The following RSRC1 variants were observed in gnomAD, a reference collection of about 807,000 sequenced individuals.
The protein encoded by RSRC1 is serine/Arginine-related protein 53.
In RSRC1, 39 loss-of-function variants were observed where a neutral mutation model predicts 49.1. That is an observed-to-expected ratio of 0.79 (90% confidence interval 0.61 to 1.04). RSRC1 has a LOEUF of 1.04. RSRC1 is among the 50% of genes least tolerant of loss of function. RSRC1 has a pLI of 0.00. For missense variants in RSRC1, 388 were observed against 402.4 expected, an observed-to-expected ratio of 0.96 and a Z score of 0.31; for synonymous variants, 143 against 130.8, an observed-to-expected ratio of 1.09 and a Z score of -0.63.
chr3:158,202,436 C>T (rs1014250624), intron 3 of RSRC1, among the ~76,000 whole-genome samples: 1 of 151,098 alleles, frequency 6.6e-6, no homozygotes, highest in Non-Finnish European at 1.5e-5. Context: ...GCCTTGCTGT[C>T]TCAGTGGTGG....
chr3:158,365,291 C>T (rs565544302), intron 6 of RSRC1, among the ~76,000 whole-genome samples: 145 of 152,112 alleles, frequency 9.5e-4, no homozygotes, highest in Admixed American at 1.5e-3. Context: ...TAATGCTATC[C>T]CTCCCCTAGT....
Position 158,539,758 on chromosome 3 carries a change from C to T in RSRC1, c.759+2560C>T, listed in dbSNP as rs1395762130. The stretch of plus-strand genomic sequence containing the variant: ...TTCTCTCTACAAATTTTTAATTGCC[C>T]GTTATTAAACAATAACTTCCATGCT... On this transcript the variant is annotated intron_variant, in intron 8 of 9. Transcript: ENST00000611884. This position sits in a 1 kb window ranked among gnomAD's most constrained non-coding sequence, Gnocchi z 4.1. Among the ~76,000 whole-genome samples, 1 of 151,992 alleles carries T rather than the reference C, an allele frequency of 6.6e-6. No homozygotes were observed. The highest frequency in any genetic ancestry group is 1.5e-5 in the Non-Finnish European group (1 of 67,984).
At chr3:158,421,339 G>A (rs1204085345) in intron 6 of RSRC1, among the ~76,000 whole-genome samples, 1 of 151,828 alleles carries the variant, frequency 6.6e-6, no homozygotes, top group Non-Finnish European at 1.5e-5. Context: ...TGTAGGTTGT[G>A]GCATGATTAG....
chr3:158,177,343 A>T (rs1038021750), intron 3 of RSRC1, among the ~76,000 whole-genome samples: 21 of 152,206 alleles, frequency 1.4e-4, no homozygotes, highest in African/African-American at 5.1e-4. Flanking sequence ...ACATGCACAC[A>T]TATGTTTATT....
intron 4 of RSRC1, among the ~76,000 whole-genome samples, chr3:158,219,264 A>G (rs1722109302): frequency 6.6e-6 from 1 of 151,600 alleles, no homozygotes; most frequent in African/African-American, 2.4e-5. Context: ...GGTGACATCA[A>G]GCATTGTTGG....
chr3:158,252,497 A>G (rs1355156992), intron 4 of RSRC1, among the ~76,000 whole-genome samples: 1 of 152,072 alleles, frequency 6.6e-6, no homozygotes, highest in Non-Finnish European at 1.5e-5. Flanking sequence ...GTTTGCTAGT[A>G]TTTTGTTGAG....
At chr3:158,152,054 A>G (rs2108212991) in intron 3 of RSRC1, among the ~76,000 whole-genome samples, 2 of 148,362 alleles carry the variant, frequency 1.3e-5, no homozygotes, top group South Asian at 4.3e-4. Flanking sequence ...ACTTATAAAA[A>G]TTAAAAATCA....
intron 7 of RSRC1, among the ~76,000 whole-genome samples, chr3:158,504,417 A>G (rs1014292844): frequency 1.3e-5 from 2 of 152,212 alleles, no homozygotes; most frequent in African/African-American, 4.8e-5. Flanking sequence ...AGATCAGGCT[A>G]CTATGAAAAT....
At chr3:158,491,169 T>C (rs1739069503) in intron 7 of RSRC1, among the ~76,000 whole-genome samples, 1 of 152,200 alleles carries the variant, frequency 6.6e-6, no homozygotes, top group Non-Finnish European at 1.5e-5. Context: ...CATTTCCTCT[T>C]GTCTACTAGG....
intron 7 of RSRC1, chr3:158,469,261 T>A: frequency 2.7e-6 from 1 of 365,454 alleles, no homozygotes; most frequent in Non-Finnish European, 5.3e-6. Flanking sequence ...AGTTAACTAG[T>A]TTAAAAGATG....
chr3:158,399,340 T>C (rs1733783946), intron 6 of RSRC1, among the ~76,000 whole-genome samples: 1 of 82,474 alleles, frequency 1.2e-5, no homozygotes, highest in South Asian at 5.2e-4. Flanking sequence ...GTATTTTTAG[T>C]AGAGACGGGG....
chr3:158,234,829 G>A (rs372171564), intron 4 of RSRC1, among the ~76,000 whole-genome samples: 12 of 152,084 alleles, frequency 7.9e-5, no homozygotes, highest in Admixed American at 1.3e-4. Context: ...CTAGTTAGTC[G>A]TGAGTCCATT....
intron 7 of RSRC1, among the ~76,000 whole-genome samples, chr3:158,518,120 GTGTGTGTA>G (rs1265714717): frequency 1.5e-3 from 101 of 66,382 alleles, no homozygotes; most frequent in Middle Eastern, 0.011. Flanking sequence ...GTGTGTGTGT[GTGTGTGTA>G]TATATATATA....
At chr3:158,175,265 G>A (rs556952112) in intron 3 of RSRC1, among the ~76,000 whole-genome samples, 9 of 151,472 alleles carry the variant, frequency 5.9e-5, no homozygotes, top group African/African-American at 2.2e-4. Flanking sequence ...CTTCCATTCT[G>A]TGGCTTACCT....
At chr3:158,293,410 A>G (rs1253405061) in intron 4 of RSRC1, among the ~76,000 whole-genome samples, 2 of 152,148 alleles carry the variant, frequency 1.3e-5, no homozygotes, top group Non-Finnish European at 2.9e-5. Flanking sequence ...GCCTGGTTTT[A>G]TGGGAAACCT....
At chr3:158,441,839 T>C (rs1736393634) in intron 6 of RSRC1, among the ~76,000 whole-genome samples, 1 of 152,154 alleles carries the variant, frequency 6.6e-6, no homozygotes, top group East Asian at 1.9e-4. Context: ...TACAGTATGC[T>C]CTAGTGAATA....
intron 7 of RSRC1, among the ~76,000 whole-genome samples, chr3:158,528,964 A>G (rs1712212529): frequency 6.6e-6 from 1 of 151,850 alleles, no homozygotes; most frequent in Non-Finnish European, 1.5e-5. Context: ...GTAAATAAAG[A>G]GCAGCTTAAA....
At chr3:158,379,851 TG>T (rs1732607628) in intron 6 of RSRC1, among the ~76,000 whole-genome samples, 1 of 117,880 alleles carries the variant, frequency 8.5e-6, no homozygotes, top group South Asian at 3.3e-4. Context: ...CCCTCCCTCT[TG>T]TCCCATTTGC....
intron 3 of RSRC1, among the ~76,000 whole-genome samples, chr3:158,167,617 T>G (rs900906265): frequency 6.6e-6 from 1 of 152,240 alleles, no homozygotes; most frequent in Non-Finnish European, 1.5e-5. Context: ...GTTTCATAAG[T>G]TTGTGCAGAA....
Sources: gnomAD v4.1 joint callset for allele counts (sites outside exome capture counted in the v4.1 genomes callset) on GRCh38, gnomAD v4.1.1 for gene constraint, Gnocchi (gnomAD v3.1) non-coding constraint, MANE v1.5 for transcripts, NCBI Gene and HGNC (gene_info 2026-07-23, HGNC 2026-07-21) for gene names.